The following RNF175 variants were observed in gnomAD, a reference collection of about 807,000 sequenced individuals.
RNF175 encodes the protein ring finger protein 175.
In RNF175, 38 loss-of-function variants were observed where a neutral mutation model predicts 50.0. The observed-to-expected ratio is 0.76, with a 90% CI of 0.59 to 1.00. The LOEUF (loss-of-function observed/expected upper bound fraction) is 1.00. RNF175 is among the 50% of genes least tolerant of loss of function. The pLI is 0.00. For missense variants in RNF175, 388 were observed against 409.6 expected (o/e 0.95, Z 0.46); for synonymous variants, 155 against 146.1 (o/e 1.06, Z -0.44).
At position 153,712,563 on chromosome 4, in the gene RNF175, A is replaced by C; in HGVS notation, c.778T>G (p.Cys260Gly). 6.2e-7 allele frequency: 1 copy of C among 1,611,498 alleles called. No individual in the cohort carries two copies. The highest frequency in any genetic ancestry group is 8.5e-7 in the Non-Finnish European group (1 of 1,177,962). ...CCAACGATACACCAACCTCGGATGC[A>C]GAATTCATGAAAGCTGAAGCATCTT... ...LSCNHVFHEF[C>G]IRGWCIVGKK... Residue 260 changes from cysteine (C) to glycine (G), a missense_variant, in exon 8 of 9, where the codon TGC (cysteine) becomes GGC (glycine). Coordinates refer to ENST00000347063, the MANE Select transcript of RNF175 (RefSeq NM_173662.4).
Position 153,728,260 on chromosome 4 carries a change from G to A in RNF175, c.348C>T (p.Thr116=), listed in dbSNP as rs755815476. 2 of 1,613,242 alleles carry A rather than the reference G, an allele frequency of 1.2e-6. No individual in the cohort carries two copies. Among genetic ancestry groups the A allele is most frequent in the East Asian group, 4.5e-5 (2 of 44,874 alleles). ...LSMWGMFSVI[T]SYILFRATRK... ...GGGTAGCTCTGAAGAGGATGTAACT[G>A]GTAATAACGGAGAACATCCCCCACA... is the stretch of plus-strand genomic sequence containing the variant. Residue 116 remains threonine (T), a synonymous_variant, in exon 4 of 9, where the codon ACC becomes ACT. Transcript: ENST00000347063.
At chr4:153,739,972 A>G (rs1289990205) in intron 3 of RNF175, among the ~76,000 whole-genome samples, 1 of 151,964 alleles carries the variant, frequency 6.6e-6, no homozygotes, top group Non-Finnish European at 1.5e-5. Flanking sequence ...GTATTCCAGT[A>G]TGTGTATGTT....
chr4:153,720,362 G>A (rs776845741), intron 5 of RNF175, 58 bp from the exon 6 acceptor site: 14 of 1,490,546 alleles, frequency 9.4e-6, no homozygotes, highest in African/African-American at 1.4e-5. Flanking sequence ...AACAGCTGGA[G>A]TTTGGAAAAT....
At chr4:153,742,888 G>A (rs1235737767) in intron 3 of RNF175, among the ~76,000 whole-genome samples, 1 of 151,562 alleles carries the variant, frequency 6.6e-6, no homozygotes, top group Non-Finnish European at 1.5e-5. Context: ...ACAATATCAA[G>A]TCATGGAGAT....
intron 1 of RNF175, among the ~76,000 whole-genome samples, chr4:153,756,651 G>A (rs1740581359): frequency 6.6e-6 from 1 of 152,180 alleles, no homozygotes; most frequent in Admixed American, 6.5e-5. Flanking sequence ...CCATGTGCCA[G>A]CCACTGGGTT....
chr4:153,721,039 C>T (rs1404016227), intron 5 of RNF175, among the ~76,000 whole-genome samples: 1 of 152,184 alleles, frequency 6.6e-6, no homozygotes, highest in Admixed American at 6.5e-5. Context: ...ATCAAGCTCA[C>T]ATCTTGAAGC....
At chr4:153,740,170 T>C (rs1739573637) in intron 3 of RNF175, among the ~76,000 whole-genome samples, 1 of 152,026 alleles carries the variant, frequency 6.6e-6, no homozygotes, top group African/African-American at 2.4e-5. Flanking sequence ...GGTACCATTT[T>C]TTTTTTGTTT....
At chr4:153,727,115 C>T (rs1738744525) in intron 4 of RNF175, among the ~76,000 whole-genome samples, 1 of 152,144 alleles carries the variant, frequency 6.6e-6, no homozygotes, top group South Asian at 2.1e-4. Flanking sequence ...TGAAAACAAG[C>T]ACATTTTGAT....
Position 153,739,179 on chromosome 4 carries a change from T to C in RNF175, c.246+9466A>G, listed in dbSNP as rs1739512181. ...GGCTCATGCCAGTAATCCCAGCACT[T>C]TGGGAGACTGAGGTGGGCGGATCAT... On this transcript the variant is annotated intron_variant, in intron 3 of 8. Transcript: ENST00000347063. 2.0e-5 allele frequency among the ~76,000 whole-genome samples: 3 copies of C among 152,168 alleles called. No homozygotes were observed. The South Asian group carries it at 6.2e-4, about 32-fold the overall frequency.
intron 6 of RNF175, among the ~76,000 whole-genome samples, chr4:153,716,125 C>T (rs1042972600): frequency 6.7e-6 from 1 of 148,506 alleles, no homozygotes. Flanking sequence ...GAATGTGAGA[C>T]ACCGTTTCCT....
chr4:153,724,164 T>C (rs1051089533), intron 4 of RNF175, among the ~76,000 whole-genome samples: 2 of 151,770 alleles, frequency 1.3e-5, no homozygotes, highest in African/African-American at 4.8e-5. Context: ...GGAGGGCGAG[T>C]GGAGAGAATC....
chr4:153,728,119 T>C, intron 4 of RNF175, 88 bp downstream of exon 4: 1 of 977,790 alleles, frequency 1.0e-6, no homozygotes, highest in Non-Finnish European at 1.4e-6. Flanking sequence ...ACCCCCCCAC[T>C]CCCCAACCCA....
Position 153,710,247 on chromosome 4 carries a change from G to C in RNF175, c.*122C>G. The C allele has an allele frequency of 1.4e-6, 1 of 727,232 alleles. No homozygotes were observed. The highest frequency in any genetic ancestry group is 2.1e-6 in the Non-Finnish European group (1 of 473,420). 45.0% of individuals were successfully genotyped at this position (727,232 alleles called of 1,614,324 possible). ...TTCTTTCCACATGGACAAATTGCTT[G>C]ACAACAAAGTTTACTTAGTTTTCTA... On this transcript the variant is annotated 3_prime_UTR_variant, in exon 9 of 9. Transcript: ENST00000347063.
At chr4:153,756,074 G>C (rs1056707505) in intron 1 of RNF175, among the ~76,000 whole-genome samples, 1 of 152,128 alleles carries the variant, frequency 6.6e-6, no homozygotes, top group Non-Finnish European at 1.5e-5. Flanking sequence ...TACATCCTGG[G>C]CATTTACTTT....
chr4:153,758,388 C>T (rs1287112167), intron 1 of RNF175, among the ~76,000 whole-genome samples: 2 of 152,106 alleles, frequency 1.3e-5, no homozygotes, highest in Non-Finnish European at 2.9e-5. Flanking sequence ...ACTGTCTTGC[C>T]ATATGGGATT....
chr4:153,759,485 A>C (rs1274786106), intron 1 of RNF175, among the ~76,000 whole-genome samples: 1 of 151,934 alleles, frequency 6.6e-6, no homozygotes, highest in African/African-American at 2.4e-5. Context: ...CGGGAGTGGA[A>C]GGGGTGAGCC....
chr4:153,738,918 G>T (rs1739496553), intron 3 of RNF175, among the ~76,000 whole-genome samples: 6 of 152,066 alleles, frequency 3.9e-5, no homozygotes. Flanking sequence ...CTCCAGAGTT[G>T]CAAAATACAT....
At chr4:153,759,664 C>A in intron 1 of RNF175, 133 bp downstream of exon 1, 1 of 550,220 alleles carries the variant, frequency 1.8e-6, no homozygotes, top group South Asian at 2.6e-5. Context: ...TCCGTCCCCA[C>A]GTCTTTCCAG....
At position 153,748,793 on chromosome 4, in the gene RNF175, C is replaced by A. The variant is rs17030413; in HGVS notation, c.105-7G>T. On this transcript the variant is annotated splice_region_variant and splice_polypyrimidine_tract_variant and intron_variant, in intron 2 of 8. Coordinates refer to ENST00000347063, the MANE Select transcript of RNF175 (RefSeq NM_173662.4). ...CATCCTCTCCTGCTGCAGGCTGGAA[C>A]CAGCAAAATGAGGTCATCTGAAAAA... The A allele has an allele frequency of 6.2e-7, 1 of 1,609,918 alleles. No homozygotes were observed. Among genetic ancestry groups the A allele is most frequent in the African/African-American group, 1.3e-5 (1 of 74,836 alleles).
Sources: gnomAD v4.1 joint callset for allele counts (sites outside exome capture counted in the v4.1 genomes callset) on GRCh38, gnomAD v4.1.1 for gene constraint, MANE v1.5 for transcripts, NCBI Gene and HGNC (gene_info 2026-07-23, HGNC 2026-07-21) for gene names.